The following KRT73 variants were observed in gnomAD, a reference collection of about 807,000 sequenced individuals.
The protein encoded by KRT73 is keratin, type II cytoskeletal 73.
KRT73 carries 44 observed loss-of-function variants against 47.2 expected under a neutral mutation model. The observed-to-expected ratio is 0.93, with a 90% CI of 0.73 to 1.20. KRT73 has a LOEUF of 1.20. Ranked by LOEUF, KRT73 falls within the 50% of genes most tolerant of loss-of-function variation. The probability of loss-of-function intolerance (pLI) is 0.00; values close to 1 mark genes in which losing one functional copy is unlikely to be tolerated. For synonymous variants in KRT73, 285 were observed against 291.3 expected, an observed-to-expected ratio of 0.98 and a Z score of 0.22; for missense variants, 713 against 704.5, an observed-to-expected ratio of 1.01 and a Z score of -0.14.
the KRT73 span, among the ~76,000 whole-genome samples, chr12:52,629,432 T>C: frequency 2.0e-5 from 3 of 152,154 alleles, no homozygotes; most frequent in Non-Finnish European, 4.4e-5. Context: ...CGTGAGTTTC[T>C]ACACGGAAGA....
chr12:52,609,472 A>G (rs527558129), intron 7 of KRT73, among the ~76,000 whole-genome samples, 191 bp from the exon 8 acceptor site: 1 of 151,998 alleles, frequency 6.6e-6, no homozygotes, highest in East Asian at 1.9e-4. Flanking sequence ...TACTCTTCCC[A>G]CTGCAGAGAT....
Position 52,610,719 on chromosome 12 carries a change from C to A in KRT73, c.1227G>T (p.Glu409Asp). Residue 409 changes from glutamate to aspartate, a missense_variant, in exon 7 of 9, where the codon GAG becomes GAT. Transcript: ENST00000305748. ...GGTACTCGCGCAGCATCCGTGCCAGCTCCTCCTTGGCCTGCTGCAGGGCGC... is the reference window on the plus strand; with the variant it reads ...GGTACTCGCGCAGCATCCGTGCCAGATCCTCCTTGGCCTGCTGCAGGGCGC... ...LEGALQQAKE[E>D]LARMLREYQE... The A allele has an allele frequency of 1.2e-6, 2 of 1,614,092 alleles. No homozygotes were observed. Among genetic ancestry groups the A allele is most frequent in the Non-Finnish European group, 1.7e-6 (2 of 1,180,028 alleles).
the KRT73 span, among the ~76,000 whole-genome samples, chr12:52,630,652 C>T: frequency 1.3e-5 from 2 of 152,210 alleles, no homozygotes; most frequent in Admixed American, 6.5e-5. Flanking sequence ...ACTCTCCCCC[C>T]TCCAAAGGCT....
chr12:52,618,370 C>T lies in KRT73; in HGVS notation c.155G>A (p.Gly52Glu). Reference sequence around the variant, plus strand: ...ATTGAAAGAGATGCTCCGGGCACCCCCCAGGCTGTAAAGGCTCCGACTGCT... The same window carrying T: ...ATTGAAAGAGATGCTCCGGGCACCCTCCAGGCTGTAAAGGCTCCGACTGCT... ...GFSSRSLYSL[G>E]GARSISFNVA... Residue 52 changes from glycine to glutamate, a missense_variant, in exon 1 of 9, where the codon GGG (glycine) becomes GAG (glutamate). Transcript: ENST00000305748. 1 of 1,614,230 alleles carries T rather than the reference C, an allele frequency of 6.2e-7. No homozygotes were observed. Among genetic ancestry groups the T allele is most frequent in the Non-Finnish European group, 8.5e-7 (1 of 1,180,056 alleles).
upstream of KRT73, among the ~76,000 whole-genome samples, chr12:52,621,899 C>T (rs2120894200): frequency 6.6e-6 from 1 of 152,234 alleles, no homozygotes; most frequent in East Asian, 1.9e-4. Flanking sequence ...TAACAAGTGC[C>T]TGACCCACTT....
upstream of KRT73, among the ~76,000 whole-genome samples, chr12:52,619,251 A>G (rs1318356565): frequency 3.9e-5 from 6 of 152,210 alleles, no homozygotes; most frequent in Admixed American, 3.9e-4. Context: ...AATTATGGTC[A>G]TTGCACCATT....
chr12:52,623,355 G>T (rs949819315), upstream of KRT73, among the ~76,000 whole-genome samples: 5 of 152,210 alleles, frequency 3.3e-5, no homozygotes, highest in African/African-American at 1.2e-4. Context: ...AAGAACTGTT[G>T]ATGCAGAATT....
At chr12:52,616,731 A>C (rs1282240171) in intron 1 of KRT73, among the ~76,000 whole-genome samples, 1 of 152,026 alleles carries the variant, frequency 6.6e-6, no homozygotes, top group African/African-American at 2.4e-5. Context: ...CCTTAGACAC[A>C]AGCTGGCCTG....
the KRT73 span, among the ~76,000 whole-genome samples, chr12:52,623,752 A>T: frequency 1.9e-3 from 283 of 152,204 alleles, no homozygotes; most frequent in African/African-American, 6.5e-3. Flanking sequence ...TGATAAAATA[A>T]TGATAGCAAT....
At position 52,611,264 on chromosome 12, in the gene KRT73, G is replaced by T. The variant is rs1414138138; in HGVS notation, c.1050C>A (p.Ile350=). 7 of 1,614,054 alleles carry T rather than the reference G, an allele frequency of 4.3e-6. No homozygotes were observed. Among genetic ancestry groups the T allele is most frequent in the Non-Finnish European group, 5.9e-6 (7 of 1,180,050 alleles). Residue 350 remains isoleucine (I), a synonymous_variant, in exon 6 of 9, where the codon ATC becomes ATA. Coordinates refer to ENST00000305748, the MANE Select transcript of KRT73 (RefSeq NM_175068.3). Reference sequence around the variant, plus strand: ...TTTGGATGAGACGGGTCAGCTCTGAGATCTCATTTTTGGTGTGTTTCAGGT... The same window carrying T: ...TTTGGATGAGACGGGTCAGCTCTGATATCTCATTTTTGGTGTGTTTCAGGT... The part of the protein sequence containing the change: ...GDDLKHTKNE[I]SELTRLIQRL...
At chr12:52,626,695 G>A in the KRT73 span, among the ~76,000 whole-genome samples, 1 of 152,286 alleles carries the variant, frequency 6.6e-6, no homozygotes, top group African/African-American at 2.4e-5. Context: ...CACCCAGCAG[G>A]CTCAGCTATG....
the KRT73 span, among the ~76,000 whole-genome samples, chr12:52,626,825 C>G: frequency 6.6e-6 from 1 of 152,150 alleles, no homozygotes; most frequent in African/African-American, 2.4e-5. Context: ...CAACATTTTC[C>G]ATTTGCCTGG....
upstream of KRT73, among the ~76,000 whole-genome samples, chr12:52,619,383 G>A (rs562726944): frequency 6.6e-6 from 1 of 152,318 alleles, no homozygotes; most frequent in Non-Finnish European, 1.5e-5. Flanking sequence ...CACAAATGGG[G>A]AAACCAAGGT....
rs371743946 is a variant in KRT73, at chr12:52,615,357, C to T, written c.663-18G>A. On this transcript the variant is annotated intron_variant, in intron 2 of 8. Transcript: ENST00000305748. ...CTTCATACCTGCAGGGAAAGCATCA[C>T]AGGAAGCAGAGTGTGTGTCTGTGTG... The T allele has an allele frequency of 6.2e-7, 1 of 1,609,924 alleles. No homozygotes were observed. The highest frequency in any genetic ancestry group is 1.3e-5 in the African/African-American group (1 of 74,822).
chr12:52,614,144 C>G, intron 4 of KRT73: 1 of 379,526 alleles, frequency 2.6e-6, no homozygotes, highest in East Asian at 4.7e-5. Flanking sequence ...ACATGGGACA[C>G]TAAGGGGCAC....
At chr12:52,612,165 G>A (rs917295935) in intron 5 of KRT73, among the ~76,000 whole-genome samples, 1 of 152,208 alleles carries the variant, frequency 6.6e-6, no homozygotes, top group Non-Finnish European at 1.5e-5. Flanking sequence ...CCTTAGCTGG[G>A]CCCCAGCCCA....
chr12:52,615,194 G>A (rs1269495967), intron 3 of KRT73, 85 bp downstream of exon 3: 27 of 1,189,204 alleles, frequency 2.3e-5, no homozygotes, highest in Middle Eastern at 2.0e-4. Context: ...GCCCTTCTGC[G>A]GGGGGCTCAG....
chr12:52,614,481 G>T, intron 4 of KRT73, 98 bp downstream of exon 4: 2 of 1,024,972 alleles, frequency 2.0e-6, no homozygotes, highest in Non-Finnish European at 2.9e-6. Flanking sequence ...TGCTGGAGGT[G>T]CCCTGGACTG....
rs545650481 is a variant in KRT73 at position 52,613,172 on chromosome 12, C to G, written c.984+516G>C. Among the ~76,000 whole-genome samples, 4 of 152,290 alleles carry G rather than the reference C, an allele frequency of 2.6e-5. No homozygotes were observed. The East Asian group carries it at 5.8e-4, about 22-fold the overall frequency. ...AAGTTGCCATCTTGATCTGAGAAAC[C>G]AAATTATCTAAAGAATCACTTCCCA... On this transcript the variant is annotated intron_variant, in intron 5 of 8. Transcript: ENST00000305748.
Sources: allele counts gnomAD v4.1 joint callset (sites outside exome capture counted in the v4.1 genomes callset), GRCh38; gene constraint gnomAD v4.1.1; transcripts MANE v1.5; gene names NCBI Gene and HGNC (gene_info 2026-07-23, HGNC 2026-07-21).